The following NUDT3 variants were observed in gnomAD, a reference collection of about 807,000 sequenced individuals.
The protein encoded by NUDT3 is diphosphoinositol polyphosphate phosphohydrolase 1.
A neutral mutation model predicts 23.6 loss-of-function variants in NUDT3; 9 were observed. That is an observed-to-expected ratio of 0.38 (90% confidence interval 0.23 to 0.66). The LOEUF is 0.66. Ranked by LOEUF, NUDT3 falls within the 30% of genes least tolerant of loss-of-function variation. The pLI is 0.52. For synonymous variants in NUDT3, 86 were observed against 82.6 expected (o/e 1.04, Z -0.22); for missense variants, 172 against 218.5 (o/e 0.79, Z 1.34).
intron 1 of NUDT3, among the ~76,000 whole-genome samples, chr6:34,367,998 C>T (rs910893123): frequency 3.3e-5 from 5 of 152,028 alleles, no homozygotes; most frequent in Non-Finnish European, 7.4e-5. Flanking sequence ...GTCAGGAGTT[C>T]GAGACCAGAC....
intron 2 of NUDT3, among the ~76,000 whole-genome samples, chr6:34,329,880 A>G (rs6912357): frequency 0.011 from 1,616 of 152,196 alleles, 29 homozygotes; most frequent in African/African-American, 0.037. Flanking sequence ...ATTCCCACCC[A>G]TGAGTGATAA....
At chr6:34,350,215 G>A (rs1764446237) in intron 1 of NUDT3, among the ~76,000 whole-genome samples, 1 of 150,996 alleles carries the variant, frequency 6.6e-6, no homozygotes, top group Non-Finnish European at 1.5e-5. Flanking sequence ...GTTGCATACA[G>A]TAAAGCACTC....
chr6:34,297,753 ATATATAAT>A lies in NUDT3; in HGVS notation c.211-2076_211-2069del, dbSNP rs200024143. On this transcript the variant is annotated intron_variant, in intron 2 of 4. Transcript: ENST00000607016. ...AAAATATATATATATATATATATAT[ATATATAAT>A]TTTTTTTTTTTTTTTAGTAGAGACG... 3.4e-3 allele frequency among the ~76,000 whole-genome samples: 338 copies of A among 98,180 alleles called. 8 individuals carry two copies. The highest frequency in any genetic ancestry group is 0.019 in the Middle Eastern group (4 of 206). 64.4% of individuals were successfully genotyped at this position (98,180 alleles called of 152,430 possible). A position where few individuals can be genotyped will look rare whatever the true frequency, so the allele number is the denominator to read the frequency against.
intron 2 of NUDT3, among the ~76,000 whole-genome samples, chr6:34,317,806 C>G (rs1000532026): frequency 5.9e-5 from 9 of 152,104 alleles, no homozygotes; most frequent in African/African-American, 2.2e-4. Flanking sequence ...AGCTCTCAGG[C>G]TGATTAACAC....
chr6:34,340,530 C>T (rs933177393), intron 2 of NUDT3, among the ~76,000 whole-genome samples: 2 of 152,150 alleles, frequency 1.3e-5, no homozygotes, highest in African/African-American at 4.8e-5. Context: ...ACCAGGATTC[C>T]CACGTCAATG....
intron 2 of NUDT3, among the ~76,000 whole-genome samples, chr6:34,327,219 C>A (rs988287917): frequency 6.6e-6 from 1 of 152,066 alleles, no homozygotes; most frequent in Non-Finnish European, 1.5e-5. Flanking sequence ...TCAGCGTTTT[C>A]TTCTACGCAC....
intron 2 of NUDT3, among the ~76,000 whole-genome samples, chr6:34,339,238 TATC>T (rs1764254582): frequency 6.6e-6 from 1 of 152,210 alleles, no homozygotes; most frequent in Non-Finnish European, 1.5e-5. Flanking sequence ...GATATCTAAA[TATC>T]ATCAAGGAGA....
intron 2 of NUDT3, among the ~76,000 whole-genome samples, chr6:34,338,708 G>A (rs1233318296): frequency 1.3e-5 from 2 of 152,210 alleles, no homozygotes; most frequent in Non-Finnish European, 2.9e-5. Flanking sequence ...CTGTAGATCA[G>A]ACAGCTCTCT....
chr6:34,323,741 G>A (rs940986355), intron 2 of NUDT3, among the ~76,000 whole-genome samples: 7 of 152,176 alleles, frequency 4.6e-5, no homozygotes, highest in African/African-American at 1.7e-4. Flanking sequence ...TAACAATATA[G>A]AAAGATAAAG....
At chr6:34,354,440 T>G in intron 1 of NUDT3, among the ~76,000 whole-genome samples, 2 of 115,442 alleles carry the variant, frequency 1.7e-5, no homozygotes, top group African/African-American at 7.8e-5. Context: ...TACACACTCT[T>G]GGCCGGGCAC....
At chr6:34,320,868 AG>A (rs1763930615) in intron 2 of NUDT3, among the ~76,000 whole-genome samples, 1 of 152,176 alleles carries the variant, frequency 6.6e-6, no homozygotes, top group Non-Finnish European at 1.5e-5. Flanking sequence ...TTAAATATAC[AG>A]GAAAAACACA....
intron 1 of NUDT3, among the ~76,000 whole-genome samples, chr6:34,350,044 G>C (rs929928082): frequency 2.0e-5 from 3 of 149,904 alleles, no homozygotes; most frequent in Non-Finnish European, 3.0e-5. Flanking sequence ...AGCCGAGATC[G>C]CGCCACTGCA....
chr6:34,282,537 T>C lies in NUDT3; in HGVS notation c.*6216A>G, dbSNP rs1161766866. 1 of 152,206 alleles carries C rather than the reference T, an allele frequency of 6.6e-6. No homozygotes were observed. The highest frequency in any genetic ancestry group is 1.5e-5 in the Non-Finnish European group (1 of 68,032). 9.4% of individuals were successfully genotyped at this position (152,206 alleles called of 1,614,324 possible). On this transcript the variant is annotated 3_prime_UTR_variant, in exon 5 of 5. Transcript: ENST00000607016. ...CTCAAGTCTAGGAGAGCTATTTTAC[T>C]GCACTGTTGAGATGTTCTCTGCAAG...
At chr6:34,317,699 T>G (rs898410746) in intron 2 of NUDT3, among the ~76,000 whole-genome samples, 2 of 152,148 alleles carry the variant, frequency 1.3e-5, no homozygotes, top group Non-Finnish European at 2.9e-5. Context: ...ATTTTAAGTT[T>G]TATTAGGTAG....
intron 1 of NUDT3, among the ~76,000 whole-genome samples, chr6:34,351,425 G>C (rs1039221624): frequency 3.6e-5 from 5 of 140,136 alleles, no homozygotes; most frequent in African/African-American, 1.4e-4. Flanking sequence ...AGGCAATAAG[G>C]CAAGACCATG....
chr6:34,372,979 G>C (rs1366235466), intron 1 of NUDT3, among the ~76,000 whole-genome samples: 1 of 150,752 alleles, frequency 6.6e-6, no homozygotes, highest in Non-Finnish European at 1.5e-5. Context: ...GAGAGAGAGA[G>C]AGCGAGAGCA....
chr6:34,370,832 C>T (rs1036297831), intron 1 of NUDT3, among the ~76,000 whole-genome samples: 1 of 152,102 alleles, frequency 6.6e-6, no homozygotes, highest in African/African-American at 2.4e-5. Flanking sequence ...GGCCAGGCGC[C>T]GTGGCTCACA....
At chr6:34,345,541 T>G (rs1764354138) in intron 1 of NUDT3, among the ~76,000 whole-genome samples, 1 of 150,098 alleles carries the variant, frequency 6.7e-6, no homozygotes, top group East Asian at 2.1e-4. Flanking sequence ...CAGGCACCTG[T>G]AGTCCCAGCT....
At chr6:34,333,978 G>C (rs980799190) in intron 2 of NUDT3, among the ~76,000 whole-genome samples, 1 of 152,232 alleles carries the variant, frequency 6.6e-6, no homozygotes, top group Non-Finnish European at 1.5e-5. Flanking sequence ...TAAGCTAAGA[G>C]GCTGAGAAGA....
Sources: gnomAD v4.1 joint callset for allele counts (sites outside exome capture counted in the v4.1 genomes callset) on GRCh38, gnomAD v4.1.1 for gene constraint, MANE v1.5 for transcripts, NCBI Gene and HGNC (gene_info 2026-07-23, HGNC 2026-07-21) for gene names.